The following SH3GL1 variants were observed in gnomAD, a reference collection of about 807,000 sequenced individuals.
The protein encoded by SH3GL1 is endophilin-A2.
Under a neutral mutation model 48.8 loss-of-function variants are expected in SH3GL1, and 21 were observed. That is an observed-to-expected ratio of 0.43 (90% confidence interval 0.30 to 0.62). The LOEUF (loss-of-function observed/expected upper bound fraction) is 0.62, where lower values mean the gene tolerates loss of function less well. SH3GL1 is among the 20% of genes least tolerant of loss of function. The pLI is 0.11. For synonymous variants in SH3GL1, 282 were observed against 217.5 expected, an observed-to-expected ratio of 1.30 and a Z score of -2.61; for missense variants, 454 against 503.0, an observed-to-expected ratio of 0.90 and a Z score of 0.93.
intron 1 of SH3GL1, among the ~76,000 whole-genome samples, chr19:4,373,532 G>A (rs944066623): frequency 3.3e-5 from 5 of 152,204 alleles, no homozygotes; most frequent in African/African-American, 9.7e-5. Flanking sequence ...CAAACCAGAC[G>A]CTGCCACCAT....
intron 1 of SH3GL1, among the ~76,000 whole-genome samples, chr19:4,394,714 C>T (rs1051629007): frequency 1.3e-5 from 2 of 152,200 alleles, no homozygotes; most frequent in Admixed American, 6.5e-5. Flanking sequence ...CACTCTCTCC[C>T]GCATCCTCCC....
intron 1 of SH3GL1, among the ~76,000 whole-genome samples, chr19:4,392,616 A>G (rs539373682): frequency 1.6e-4 from 25 of 152,016 alleles, no homozygotes; most frequent in African/African-American, 5.5e-4. Context: ...GCACTTTGGT[A>G]GGAAAACCAA....
intron 1 of SH3GL1, among the ~76,000 whole-genome samples, chr19:4,398,294 C>T (rs919370555): frequency 2.0e-5 from 3 of 151,972 alleles, no homozygotes; most frequent in African/African-American, 7.3e-5. Context: ...GATCATTGCT[C>T]ATTCCTCGGT....
intron 1 of SH3GL1, among the ~76,000 whole-genome samples, chr19:4,393,244 G>T (rs1367969583): frequency 6.7e-6 from 1 of 148,938 alleles, no homozygotes; most frequent in East Asian, 1.9e-4. Context: ...CTGGGCAATG[G>T]TGTGAGACTC....
chr19:4,381,688 C>T (rs1973135002), intron 1 of SH3GL1, among the ~76,000 whole-genome samples: 1 of 87,032 alleles, frequency 1.1e-5, no homozygotes, highest in African/African-American at 4.3e-5. Flanking sequence ...CCCCCACACG[C>T]CTTTTTTTTT....
rs1972588230 is a variant in SH3GL1 at position 4,360,877 on chromosome 19, A to T, written c.*723T>A. ...TCCCTGGGTTGGGATGGGGGCAGTT[A>T]AAAAGCTGAAAAGGTACTTGGCTTT... is the stretch of plus-strand genomic sequence containing the variant. On this transcript the variant is annotated 3_prime_UTR_variant, in exon 10 of 10. Coordinates refer to ENST00000269886, the MANE Select transcript of SH3GL1 (RefSeq NM_003025.4). 1 of 233,704 alleles carries T rather than the reference A, an allele frequency of 4.3e-6. No homozygotes were observed. The highest frequency in any genetic ancestry group is 2.2e-5 in the African/African-American group (1 of 45,452). 14.5% of individuals were successfully genotyped at this position (233,704 alleles called of 1,614,324 possible).
intron 4 of SH3GL1, among the ~76,000 whole-genome samples, chr19:4,364,866 T>TTGTGTGTGTGTGTGTGTGTGTGTG (rs373324973): frequency 2.1e-3 from 205 of 97,018 alleles, no homozygotes; most frequent in African/African-American, 3.2e-3. Context: ...ACCCGGCTAA[T>TTGTGTGTGTGTGTGTGTGTGTGTG]TGTGTGTGTG....
rs764969358 is a variant in SH3GL1 at position 4,362,495 on chromosome 19, G to T, written c.854-110C>A. On this transcript the variant is annotated intron_variant, in intron 8 of 9. Coordinates refer to ENST00000269886, the MANE Select transcript of SH3GL1 (RefSeq NM_003025.4). ...CGTCTGCCTTGGCGGTCCAGATGGAGCACGGCTGAGAGCTGCACCCAGGAG... is the reference window on the plus strand; with the variant it reads ...CGTCTGCCTTGGCGGTCCAGATGGATCACGGCTGAGAGCTGCACCCAGGAG... 11 of 1,572,806 alleles carry T rather than the reference G, an allele frequency of 7.0e-6. No homozygotes were observed. The East Asian group carries it at 2.4e-4, about 34-fold the overall frequency.
chr19:4,397,132 G>A lies in SH3GL1; in HGVS notation c.45+3192C>T, dbSNP rs368487341. Among the ~76,000 whole-genome samples the A allele has an allele frequency of 6.8e-4, 103 of 152,238 alleles. 1 individual carries two copies. In the South Asian group the frequency reaches 0.018, roughly 27 times the overall value. On this transcript the variant is annotated intron_variant, in intron 1 of 9. Coordinates refer to ENST00000269886, the MANE Select transcript of SH3GL1 (RefSeq NM_003025.4). ...AACAAAAAAAGAGACACAAATAGTC[G>A]GATACGTCCAGATAACAGCTGAGAT...
chr19:4,374,865 G>T (rs755028725), intron 1 of SH3GL1, among the ~76,000 whole-genome samples: 6 of 152,126 alleles, frequency 3.9e-5, no homozygotes, highest in Non-Finnish European at 7.4e-5. Flanking sequence ...CCTGGTGGCC[G>T]TATGGGGCCT....
intron 1 of SH3GL1, among the ~76,000 whole-genome samples, chr19:4,368,855 A>G (rs1972837486): frequency 1.3e-5 from 2 of 152,138 alleles, no homozygotes; most frequent in Admixed American, 1.3e-4. Context: ...GCGGATCATG[A>G]GGTCAGGAGA....
chr19:4,386,223 G>A (rs1973231859), intron 1 of SH3GL1, among the ~76,000 whole-genome samples: 1 of 152,214 alleles, frequency 6.6e-6, no homozygotes, highest in African/African-American at 2.4e-5. Flanking sequence ...ATGCCTGCCT[G>A]AGTCAGCTGT....
chr19:4,364,972 C>T (rs1972739796), intron 4 of SH3GL1, among the ~76,000 whole-genome samples: 1 of 146,462 alleles, frequency 6.8e-6, no homozygotes, highest in African/African-American at 2.5e-5. Flanking sequence ...TCTTGCTGGT[C>T]TCGAATTCCC....
At chr19:4,363,598 C>T (rs1972686726) in intron 6 of SH3GL1, 122 bp downstream of exon 6, 3 of 1,478,090 alleles carry the variant, frequency 2.0e-6, no homozygotes, top group African/African-American at 2.8e-5. Context: ...GGCCCATACC[C>T]TCCACCTCCC....
At chr19:4,366,256 G>C (rs1321796659) in intron 3 of SH3GL1, among the ~76,000 whole-genome samples, 1 of 152,178 alleles carries the variant, frequency 6.6e-6, no homozygotes, top group African/African-American at 2.4e-5. Flanking sequence ...GCTGGAAGAG[G>C]GGTTGAAGGC....
intron 1 of SH3GL1, chr19:4,395,606 G>A (rs538611265): frequency 1.3e-4 from 20 of 152,302 alleles, no homozygotes; most frequent in Admixed American, 6.5e-4. Flanking sequence ...AACAGTGTAT[G>A]TATACATACA....
rs1177578964 is a variant in SH3GL1 at position 4,376,891 on chromosome 19, C to A, written c.46-9897G>T. Among the ~76,000 whole-genome samples, 1 of 152,202 alleles carries A rather than the reference C, an allele frequency of 6.6e-6. No individual in the cohort carries two copies. Among genetic ancestry groups the A allele is most frequent in the South Asian group, 2.1e-4 (1 of 4,834 alleles). On this transcript the variant is annotated intron_variant, in intron 1 of 9. Coordinates refer to ENST00000269886, the MANE Select transcript of SH3GL1 (RefSeq NM_003025.4). The surrounding 1 kb of genome is among the most constrained non-coding windows in gnomAD (Gnocchi z 4.3). ...ATGCTTAGCGCCCTAGAATAAAGGACCCCGGGCAACCTCTTGGGGGTCCTC... is the reference window on the plus strand; with the variant it reads ...ATGCTTAGCGCCCTAGAATAAAGGAACCCGGGCAACCTCTTGGGGGTCCTC...
chr19:4,376,551 C>T lies in SH3GL1; in HGVS notation c.46-9557G>A, dbSNP rs1835531045. On this transcript the variant is annotated intron_variant, in intron 1 of 9. Coordinates refer to ENST00000269886, the MANE Select transcript of SH3GL1 (RefSeq NM_003025.4). The surrounding 1 kb of genome is among the most constrained non-coding windows in gnomAD (Gnocchi z 4.3). Reference sequence around the variant, plus strand: ...TGATCCCCATCACTGGTCTCCTCACCTTCTCCCAACACACCACTGATGCCT... The same window carrying T: ...TGATCCCCATCACTGGTCTCCTCACTTTCTCCCAACACACCACTGATGCCT... Among the ~76,000 whole-genome samples the T allele has an allele frequency of 6.6e-6, 1 of 152,118 alleles. No homozygotes were observed. Among genetic ancestry groups the T allele is most frequent in the Non-Finnish European group, 1.5e-5 (1 of 68,006 alleles).
chr19:4,392,895 C>T (rs953944076), intron 1 of SH3GL1, among the ~76,000 whole-genome samples: 3 of 151,970 alleles, frequency 2.0e-5, no homozygotes, highest in African/African-American at 4.8e-5. Flanking sequence ...GAGACAAGAT[C>T]GTGCCACTGC....
Sources: gnomAD v4.1 joint callset for allele counts (sites outside exome capture counted in the v4.1 genomes callset) on GRCh38, gnomAD v4.1.1 for gene constraint, Gnocchi (gnomAD v3.1) non-coding constraint, MANE v1.5 for transcripts, NCBI Gene and HGNC (gene_info 2026-07-23, HGNC 2026-07-21) for gene names.